Variants in BRAP observed in about 807,000 individuals in gnomAD.
BRAP encodes BRCA1-associated protein.
A neutral mutation model predicts 73.4 loss-of-function variants in BRAP; 42 were observed. The ratio of observed to expected loss-of-function variants is 0.57; its 90% confidence interval spans 0.45 to 0.74. The LOEUF (loss-of-function observed/expected upper bound fraction) is 0.74, where lower values mean the gene tolerates loss of function less well. BRAP is among the 30% of genes least tolerant of loss of function. BRAP has a pLI of 0.00. For missense variants in BRAP, 593 were observed against 751.4 expected, an observed-to-expected ratio of 0.79 and a Z score of 2.46; for synonymous variants, 255 against 267.4, an observed-to-expected ratio of 0.95 and a Z score of 0.45.
At chr12:111,662,851 TA>T (rs1384197709) in intron 6 of BRAP, among the ~76,000 whole-genome samples, 1 of 151,200 alleles carries the variant, frequency 6.6e-6, no homozygotes, top group African/African-American at 2.4e-5. Flanking sequence ...CCAGGTGCAG[TA>T]GCTCACATCT....
intron 4 of BRAP, among the ~76,000 whole-genome samples, chr12:111,676,586 A>G (rs1422467116): frequency 2.6e-5 from 4 of 152,120 alleles, no homozygotes; most frequent in African/African-American, 9.7e-5. Flanking sequence ...GCTAAGTTTT[A>G]TATTTTTAGT....
At chr12:111,645,938 T>C (rs2135890409) in intron 11 of BRAP, among the ~76,000 whole-genome samples, 1 of 152,194 alleles carries the variant, frequency 6.6e-6, no homozygotes. Flanking sequence ...TGCAGTGAGC[T>C]GTGTTCATGC....
At position 111,644,152 on chromosome 12, in the gene BRAP, C is replaced by A; in HGVS notation, c.*47G>T. On this transcript the variant is annotated 3_prime_UTR_variant, in exon 12 of 12. Transcript: ENST00000419234. Reference sequence around the variant, plus strand: ...TTAGCTGAAGGTCCCAGCACACTCTCACAGTGTCAGGGAGAACAGTCTCAG... The same window carrying A: ...TTAGCTGAAGGTCCCAGCACACTCTAACAGTGTCAGGGAGAACAGTCTCAG... The A allele has an allele frequency of 6.4e-7, 1 of 1,571,564 alleles. No individual in the cohort carries two copies. The highest frequency in any genetic ancestry group is 8.6e-7 in the Non-Finnish European group (1 of 1,162,294).
At chr12:111,675,322 C>T (rs1459199682) in intron 4 of BRAP, among the ~76,000 whole-genome samples, 1 of 151,608 alleles carries the variant, frequency 6.6e-6, no homozygotes, top group African/African-American at 2.4e-5. Flanking sequence ...TCATGGTGGC[C>T]TACACTAGGA....
chr12:111,680,730 CAAAAAACAAAAT>C (rs369767629), intron 3 of BRAP, among the ~76,000 whole-genome samples: 2 of 112,148 alleles, frequency 1.8e-5, no homozygotes, highest in Non-Finnish European at 3.4e-5. Flanking sequence ...AAAAACAAAA[CAAAAAACAAAAT>C]GGCTACCTGA....
At position 111,642,300 on chromosome 12, in the gene BRAP, T is replaced by C. The variant is rs1250347446; in HGVS notation, c.*1899A>G. 2 of 152,198 alleles carry C rather than the reference T, an allele frequency of 1.3e-5. No individual in the cohort carries two copies. Among genetic ancestry groups the C allele is most frequent in the Non-Finnish European group, 2.9e-5 (2 of 68,050 alleles). The allele number at this position is 152,198 out of a possible 1,614,324, so 9.4% of individuals were successfully genotyped here. On this transcript the variant is annotated 3_prime_UTR_variant, in exon 12 of 12. Coordinates refer to ENST00000419234, the MANE Select transcript of BRAP (RefSeq NM_006768.5). ...TCTTTGACTGTTTAAAAAAAAATTT[T>C]TTTTTCTTTACGTATCTTGGTAAGA...
At chr12:111,649,214 G>A (rs1886229328) in intron 11 of BRAP, among the ~76,000 whole-genome samples, 1 of 152,192 alleles carries the variant, frequency 6.6e-6, no homozygotes. Flanking sequence ...GTGCAGTGGT[G>A]AGATGTTGGC....
intron 3 of BRAP, among the ~76,000 whole-genome samples, chr12:111,681,281 A>C (rs1006950408): frequency 1.2e-4 from 18 of 152,164 alleles, no homozygotes; most frequent in African/African-American, 4.1e-4. Flanking sequence ...GAGGAAGGAG[A>C]ATCACTTGAA....
intron 4 of BRAP, among the ~76,000 whole-genome samples, chr12:111,675,747 A>G (rs1445707292): frequency 6.6e-6 from 1 of 152,018 alleles, no homozygotes; most frequent in Admixed American, 6.6e-5. Flanking sequence ...AAAAAGACAA[A>G]TCCATTATGA....
chr12:111,664,353 T>C (rs1158253436), intron 6 of BRAP, among the ~76,000 whole-genome samples: 1 of 151,336 alleles, frequency 6.6e-6, no homozygotes, highest in Non-Finnish European at 1.5e-5. Context: ...AAAACTGGAG[T>C]GGCGGGGAAC....
chr12:111,681,518 T>C (rs2135931080), intron 3 of BRAP, 119 bp downstream of exon 3: 1 of 754,340 alleles, frequency 1.3e-6, no homozygotes, highest in East Asian at 2.7e-5. Flanking sequence ...CAGACAAAAG[T>C]ATTATTATTT....
chr12:111,657,925 C>CACAGTGAA (rs1432972960), intron 9 of BRAP, among the ~76,000 whole-genome samples: 1 of 151,910 alleles, frequency 6.6e-6, no homozygotes, highest in Non-Finnish European at 1.5e-5. Context: ...AGTAACAAGG[C>CACAGTGAA]ACAGTGAAAC....
chr12:111,668,559 T>C lies in BRAP; in HGVS notation c.748-2772A>G, dbSNP rs190593377. 6.2e-3 allele frequency among the ~76,000 whole-genome samples: 945 copies of C among 152,350 alleles called. 9 individuals carry two copies. The highest frequency in any genetic ancestry group is 8.3e-3 in the Non-Finnish European group (565 of 68,038). On this transcript the variant is annotated intron_variant, in intron 5 of 11. Coordinates refer to ENST00000419234, the MANE Select transcript of BRAP (RefSeq NM_006768.5). Reference sequence around the variant, plus strand: ...ATTTACTTTGGTAGCAAATGGTTTTTCTTTGAAGACAAATGAAGATACACA... The same window carrying C: ...ATTTACTTTGGTAGCAAATGGTTTTCCTTTGAAGACAAATGAAGATACACA...
chr12:111,657,862 G>A (rs995665327), intron 9 of BRAP, among the ~76,000 whole-genome samples: 4 of 151,984 alleles, frequency 2.6e-5, no homozygotes, highest in Non-Finnish European at 5.9e-5. Context: ...CTGTAGCTAC[G>A]GGAAAACAAA....
intron 2 of BRAP, among the ~76,000 whole-genome samples, chr12:111,682,366 C>T (rs646275): frequency 0.34 from 51,995 of 151,514 alleles, 12,782 homozygotes; most frequent in East Asian, 0.9. Context: ...GGTGTAGTAG[C>T]GTGCACCTGT....
intron 8 of BRAP, 65 bp from the exon 9 acceptor site, chr12:111,658,910 T>G: frequency 7.7e-7 from 1 of 1,301,782 alleles, no homozygotes; most frequent in South Asian, 1.3e-5. Context: ...CACTTTTAAC[T>G]CTGACAAAAT....
chr12:111,663,519 T>C (rs1190995212), intron 6 of BRAP, among the ~76,000 whole-genome samples: 1 of 152,130 alleles, frequency 6.6e-6, no homozygotes, highest in Non-Finnish European at 1.5e-5. Flanking sequence ...CAAAAAATTA[T>C]TTTATCCTAT....
At chr12:111,672,863 C>T in intron 4 of BRAP, 89 bp from the exon 5 acceptor site, 1 of 1,014,438 alleles carries the variant, frequency 9.9e-7, no homozygotes, top group South Asian at 1.5e-5. Context: ...TTTATTCATT[C>T]TCATCAGCTT....
intron 4 of BRAP, among the ~76,000 whole-genome samples, chr12:111,677,616 A>G (rs532327567): frequency 6.6e-6 from 1 of 152,334 alleles, no homozygotes; most frequent in Admixed American, 6.5e-5. Flanking sequence ...TACAGAAGCC[A>G]TCGATAAACG....
Sources: gnomAD v4.1 joint callset for allele counts (sites outside exome capture counted in the v4.1 genomes callset) on GRCh38, gnomAD v4.1.1 for gene constraint, MANE v1.5 for transcripts, NCBI Gene and HGNC (gene_info 2026-07-23, HGNC 2026-07-21) for gene names.